Variants in KLKB1 observed in about 807,000 individuals in gnomAD.
KLKB1 encodes the protein kallikrein B1, also known as plasma kallikrein.
In KLKB1, 58 loss-of-function variants were observed where a neutral mutation model predicts 73.6. The ratio of observed to expected loss-of-function variants is 0.79; its 90% CI spans 0.64 to 0.98. KLKB1 has a LOEUF of 0.98. KLKB1 is among the 50% of genes least tolerant of loss of function. The pLI is 0.00. For missense variants in KLKB1, 737 were observed against 763.8 expected (o/e 0.96, Z 0.41); for synonymous variants, 280 against 258.1 (o/e 1.08, Z -0.81).
intron 11 of KLKB1, among the ~76,000 whole-genome samples, chr4:186,254,084 C>T (rs1022305812): frequency 3.3e-5 from 5 of 152,188 alleles, no homozygotes; most frequent in African/African-American, 9.6e-5. Context: ...CCACCCACCT[C>T]GGCCTCCCGA....
chr4:186,243,406 G>A (rs1184955951), intron 6 of KLKB1, among the ~76,000 whole-genome samples: 1 of 152,122 alleles, frequency 6.6e-6, no homozygotes, highest in African/African-American at 2.4e-5. Flanking sequence ...ATTGATAGGT[G>A]GAAGTTTCAA....
At position 186,258,294 on chromosome 4, in the gene KLKB1, A is replaced by T; in HGVS notation, c.*82A>T. ...CCTGGGGGGTCCTCATCTGCAAAGC[A>T]TGGAGAGTGGCATCTTCTTTGCATC... On this transcript the variant is annotated 3_prime_UTR_variant, in exon 15 of 15. Coordinates refer to ENST00000264690, the MANE Select transcript of KLKB1 (RefSeq NM_000892.5). 3 of 1,153,570 alleles carry T rather than the reference A, an allele frequency of 2.6e-6. No homozygotes were observed. The highest frequency in any genetic ancestry group is 3.8e-6 in the Non-Finnish European group (3 of 782,838). 71.5% of individuals were successfully genotyped at this position (1,153,570 alleles called of 1,614,324 possible).
upstream of KLKB1, among the ~76,000 whole-genome samples, chr4:186,222,937 A>C (rs2126616175): frequency 6.6e-6 from 1 of 152,284 alleles, no homozygotes; most frequent in South Asian, 2.1e-4. Context: ...GTGTCAAAGG[A>C]GGGACCTGTT....
At chr4:186,253,147 T>A (rs1432084190) in intron 11 of KLKB1, among the ~76,000 whole-genome samples, 1 of 152,240 alleles carries the variant, frequency 6.6e-6, no homozygotes, top group Non-Finnish European at 1.5e-5. Context: ...TAGTACTGTG[T>A]GTAGAACATA....
intron 6 of KLKB1, among the ~76,000 whole-genome samples, chr4:186,241,204 C>T (rs144104394): frequency 1.3e-5 from 2 of 152,272 alleles, no homozygotes; most frequent in Non-Finnish European, 2.9e-5. Flanking sequence ...CCTGGCCTAA[C>T]TGCCCAAATG....
chr4:186,219,729 T>C (rs1163890082), intron 2 of KLKB1, among the ~76,000 whole-genome samples: 2 of 152,206 alleles, frequency 1.3e-5, no homozygotes, highest in African/African-American at 4.8e-5. Flanking sequence ...TGTGGTTTTT[T>C]ACCTGGTGGA....
intron 2 of KLKB1, among the ~76,000 whole-genome samples, chr4:186,218,457 T>G (rs912956333): frequency 6.6e-6 from 1 of 152,226 alleles, no homozygotes; most frequent in Non-Finnish European, 1.5e-5. Flanking sequence ...TGTGTGACCC[T>G]AAAATGAAAT....
chr4:186,238,323 G>A lies in KLKB1; in HGVS notation c.556G>A (p.Glu186Lys), dbSNP rs1737813642. 5 of 1,614,022 alleles carry A rather than the reference G, an allele frequency of 3.1e-6. No homozygotes were observed. The East Asian group carries it at 1.1e-4, about 36-fold the overall frequency. ...CGCTATAAAGGTGCTGAGTAACGTGGAATCTGGATTCTCACTGAAGCCCTG... is the reference window on the plus strand; with the variant it reads ...CGCTATAAAGGTGCTGAGTAACGTGAAATCTGGATTCTCACTGAAGCCCTG... ...PTAIKVLSNV[E>K]SGFSLKPCAL... The change falls in exon 6 of 15, where the codon GAA becomes AAA. Residue 186 changes from glutamate (E) to lysine (K), a missense_variant. Physicochemically the swap from Glu to Lys is moderately conservative, Grantham distance 56. Coordinates refer to ENST00000264690, the MANE Select transcript of KLKB1 (RefSeq NM_000892.5).
intron 2 of KLKB1, among the ~76,000 whole-genome samples, chr4:186,231,272 G>T (rs1467676385): frequency 6.6e-6 from 1 of 152,200 alleles, no homozygotes; most frequent in Non-Finnish European, 1.5e-5. Context: ...CAACTGAAAT[G>T]AATGTGCTAC....
chr4:186,252,004 G>A lies in KLKB1; in HGVS notation c.1145-13G>A, dbSNP rs201542750. 142 of 1,614,046 alleles carry A rather than the reference G, an allele frequency of 8.8e-5. No individual in the cohort carries two copies. Among genetic ancestry groups the A allele is most frequent in the East Asian group, 2.7e-4 (12 of 44,890 alleles). On this transcript the variant is annotated splice_polypyrimidine_tract_variant and intron_variant, in intron 10 of 14. Transcript: ENST00000264690. ...TCTAATTCCAACCATTAGCGTCAAC[G>A]CTCTCTTTTCAGTCTGCACAACAAA...
At position 186,234,971 on chromosome 4, in the gene KLKB1, CA is replaced by C. The variant is rs1433777600; in HGVS notation, c.328+916del. The stretch of plus-strand genomic sequence containing the variant: ...TTATGCACAATTAATTTTGTAGGTT[CA>C]AATTTCAGATGTTTTTAAATTTGTC... On this transcript the variant is annotated intron_variant, in intron 4 of 14. Coordinates refer to ENST00000264690, the MANE Select transcript of KLKB1 (RefSeq NM_000892.5). 2.6e-5 allele frequency among the ~76,000 whole-genome samples: 4 copies of C among 152,228 alleles called. No individual in the cohort carries two copies. The East Asian group carries it at 7.7e-4, about 29-fold the overall frequency.
chr4:186,240,704 G>A (rs557004665), intron 6 of KLKB1, among the ~76,000 whole-genome samples: 24 of 152,276 alleles, frequency 1.6e-4, no homozygotes, highest in Admixed American at 4.6e-4. Context: ...GTTACAAGGT[G>A]GCTATTTTCC....
upstream of KLKB1, among the ~76,000 whole-genome samples, chr4:186,222,491 C>A (rs943762570): frequency 1.3e-5 from 2 of 152,154 alleles, no homozygotes; most frequent in Non-Finnish European, 2.9e-5. Flanking sequence ...TTATAACCAT[C>A]CATTTTAATC....
At position 186,258,343 on chromosome 4, in the gene KLKB1, C is replaced by T; in HGVS notation, c.*131C>T. On this transcript the variant is annotated 3_prime_UTR_variant, in exon 15 of 15. Coordinates refer to ENST00000264690, the MANE Select transcript of KLKB1 (RefSeq NM_000892.5). Reference sequence around the variant, plus strand: ...TCCTAAGGACGAAAAACACAGTGCACTCAGAGCTGCTGAGGACAATGTCTG... The same window carrying T: ...TCCTAAGGACGAAAAACACAGTGCATTCAGAGCTGCTGAGGACAATGTCTG... The T allele has an allele frequency of 2.5e-6, 2 of 816,172 alleles. No homozygotes were observed. Among genetic ancestry groups the T allele is most frequent in the East Asian group, 2.7e-5 (1 of 37,616 alleles). The allele number at this position is 816,172 out of a possible 1,614,324, so 50.6% of individuals were successfully genotyped here.
intron 6 of KLKB1, among the ~76,000 whole-genome samples, chr4:186,241,137 G>A (rs1013350702): frequency 9.2e-5 from 14 of 152,114 alleles, no homozygotes; most frequent in Non-Finnish European, 1.3e-4. Context: ...CGTGGTCCCC[G>A]TTCCTCAGGG....
chr4:186,258,403 G>T lies in KLKB1; in HGVS notation c.*191G>T. ...CGCTTTCAGCACGCCGTAACCAGGG[G>T]CTGACAATGCGAGGTCGCAACTGAG... is the stretch of plus-strand genomic sequence containing the variant. On this transcript the variant is annotated 3_prime_UTR_variant, in exon 15 of 15. Transcript: ENST00000264690. 4 of 648,090 alleles carry T rather than the reference G, an allele frequency of 6.2e-6. No homozygotes were observed. In the East Asian group the frequency reaches 1.1e-4, roughly 18 times the overall value. The allele number at this position is 648,090 out of a possible 1,614,324, so 40.1% of individuals were successfully genotyped here.
intron 3 of KLKB1, among the ~76,000 whole-genome samples, chr4:186,233,683 T>C (rs1297399030): frequency 6.6e-6 from 1 of 152,166 alleles, no homozygotes. Flanking sequence ...TGCCTGAAAG[T>C]TTAAGAACAC....
chr4:186,255,927 G>A, intron 12 of KLKB1, 65 bp from the exon 13 acceptor site: 3 of 994,584 alleles, frequency 3.0e-6, no homozygotes, highest in Non-Finnish European at 4.8e-6. Flanking sequence ...AGAGAAAGAT[G>A]TATTTTTAAA....
intron 4 of KLKB1, among the ~76,000 whole-genome samples, chr4:186,236,038 C>T (rs1439274208): frequency 2.0e-4 from 30 of 148,796 alleles, no homozygotes; most frequent in Middle Eastern, 6.9e-3. Context: ...GGCGTGAACC[C>T]GGGAGGCGGA....
Sources: allele counts gnomAD v4.1 joint callset (sites outside exome capture counted in the v4.1 genomes callset), GRCh38; gene constraint gnomAD v4.1.1; transcripts MANE v1.5; gene names NCBI Gene and HGNC (gene_info 2026-07-23, HGNC 2026-07-21).